The following ZNF407 variants were observed in gnomAD, a reference collection of about 807,000 sequenced individuals.
ZNF407 encodes zinc finger protein 407.
Under a neutral mutation model 131.2 loss-of-function variants are expected in ZNF407, and 17 were observed. The observed-to-expected ratio is 0.13, with a 90% CI of 0.09 to 0.19. ZNF407 has a LOEUF of 0.19. Ranked by LOEUF, ZNF407 falls within the 10% of genes least tolerant of loss-of-function variation. The probability of loss-of-function intolerance (pLI) is 1.00; values close to 1 mark genes in which losing one functional copy is unlikely to be tolerated. For missense variants in ZNF407, 2,681 were observed against 2,830.6 expected (o/e 0.95, Z 1.20); for synonymous variants, 1,156 against 1,062.0 (o/e 1.09, Z -1.72).
At chr18:74,900,883 T>G (rs1971515513) in intron 7 of ZNF407, among the ~76,000 whole-genome samples, 1 of 152,282 alleles carries the variant, frequency 6.6e-6, no homozygotes, top group Non-Finnish European at 1.5e-5. Context: ...AAATTTCTAT[T>G]GAAGACTGTT....
chr18:74,890,726 G>A (rs1971372607), intron 7 of ZNF407, among the ~76,000 whole-genome samples: 1 of 152,126 alleles, frequency 6.6e-6, no homozygotes, highest in African/African-American at 2.4e-5. Flanking sequence ...GTGTTTATAA[G>A]TAATTATAAT....
chr18:74,690,064 A>G (rs1297648707), intron 3 of ZNF407, among the ~76,000 whole-genome samples: 1 of 152,238 alleles, frequency 6.6e-6, no homozygotes, highest in Non-Finnish European at 1.5e-5. Flanking sequence ...AAAAAAAGCT[A>G]AATTGCCAAA....
intron 3 of ZNF407, among the ~76,000 whole-genome samples, chr18:74,677,713 T>G (rs1173590179): frequency 6.6e-6 from 1 of 152,200 alleles, no homozygotes; most frequent in South Asian, 2.1e-4. Flanking sequence ...TTAAAATTGT[T>G]ATTTTAAAGT....
At chr18:74,862,111 T>C (rs979065575) in intron 4 of ZNF407, among the ~76,000 whole-genome samples, 8 of 152,252 alleles carry the variant, frequency 5.3e-5, no homozygotes, top group African/African-American at 1.9e-4. Flanking sequence ...TCTAAAATTG[T>C]TTAAATTTGT....
At chr18:74,819,445 G>A (rs895520334) in intron 4 of ZNF407, among the ~76,000 whole-genome samples, 6 of 152,116 alleles carry the variant, frequency 3.9e-5, no homozygotes, top group Non-Finnish European at 8.8e-5. Context: ...TGACTTTGAG[G>A]CTAATTTTAC....
At chr18:74,681,644 G>T (rs534344126) in intron 3 of ZNF407, among the ~76,000 whole-genome samples, 2 of 152,244 alleles carry the variant, frequency 1.3e-5, no homozygotes, top group Middle Eastern at 3.4e-3. Context: ...GTTTCCTGAG[G>T]AAACATATGT....
chr18:75,038,565 G>A (rs1973336725), intron 8 of ZNF407, among the ~76,000 whole-genome samples: 1 of 152,148 alleles, frequency 6.6e-6, no homozygotes, highest in African/African-American at 2.4e-5. Context: ...ATTATTAAGT[G>A]TTAGGGACAA....
intron 3 of ZNF407, among the ~76,000 whole-genome samples, chr18:74,662,284 A>T (rs1167586154): frequency 6.6e-6 from 1 of 152,204 alleles, no homozygotes; most frequent in East Asian, 1.9e-4. Flanking sequence ...TTTCTAGTAG[A>T]GTGATATGAT....
intron 4 of ZNF407, among the ~76,000 whole-genome samples, chr18:74,857,797 A>AT (rs1225410804): frequency 6.6e-6 from 1 of 151,924 alleles, no homozygotes; most frequent in Non-Finnish European, 1.5e-5. Context: ...ATTTGGTTAT[A>AT]TTTTATGTTG....
chr18:74,757,882 C>G (rs1341240289), intron 3 of ZNF407, among the ~76,000 whole-genome samples: 2 of 152,002 alleles, frequency 1.3e-5, no homozygotes, highest in African/African-American at 2.4e-5. Flanking sequence ...ATGTTCTCCC[C>G]CGTTTTTTGG....
chr18:74,863,335 G>A (rs890628354), intron 4 of ZNF407, among the ~76,000 whole-genome samples: 14 of 151,652 alleles, frequency 9.2e-5, no homozygotes, highest in African/African-American at 3.4e-4. Context: ...ATAAATATCA[G>A]TAATTAATAT....
chr18:74,801,749 G>A (rs565102841), intron 4 of ZNF407, among the ~76,000 whole-genome samples: 107 of 152,296 alleles, frequency 7.0e-4, no homozygotes, highest in Non-Finnish European at 1.2e-3. Flanking sequence ...ATGGAAGAGC[G>A]TTTTGTAGTG....
intron 3 of ZNF407, among the ~76,000 whole-genome samples, chr18:74,683,538 T>C (rs1269073047): frequency 6.6e-6 from 1 of 152,226 alleles, no homozygotes; most frequent in Non-Finnish European, 1.5e-5. Context: ...GCAATGCTCC[T>C]TTTTTCTTCT....
Position 75,048,838 on chromosome 18 carries a change from A to C in ZNF407, c.5429-14312A>C, listed in dbSNP as rs547529200. Among the ~76,000 whole-genome samples, 1 of 152,174 alleles carries C rather than the reference A, an allele frequency of 6.6e-6. No individual in the cohort carries two copies. Among genetic ancestry groups the C allele is most frequent in the Admixed American group, 6.5e-5 (1 of 15,296 alleles). On this transcript the variant is annotated intron_variant, in intron 8 of 8. Coordinates refer to ENST00000299687, the MANE Select transcript of ZNF407 (RefSeq NM_017757.3). The surrounding 1 kb of genome is among the most constrained non-coding windows in gnomAD (Gnocchi z 4.1). ...CTAAAAACTGAAAAAATTAAATTGG[A>C]GGGTGGGAAGGGGCAGAAGGGGTGA...
At chr18:74,670,371 A>T (rs1273413129) in intron 3 of ZNF407, among the ~76,000 whole-genome samples, 7 of 152,212 alleles carry the variant, frequency 4.6e-5, no homozygotes, top group African/African-American at 1.7e-4. Context: ...ACAAAATTGG[A>T]TGTCTGAAAG....
At chr18:74,795,256 C>T (rs1969898074) in intron 4 of ZNF407, among the ~76,000 whole-genome samples, 1 of 152,132 alleles carries the variant, frequency 6.6e-6, no homozygotes. Flanking sequence ...GCAAAATAAA[C>T]TTGCATATAT....
chr18:74,759,061 C>A (rs1969031661), intron 3 of ZNF407, among the ~76,000 whole-genome samples: 1 of 152,046 alleles, frequency 6.6e-6, no homozygotes, highest in Non-Finnish European at 1.5e-5. Context: ...TTTTGTGTAT[C>A]TGGGTGTGTC....
intron 4 of ZNF407, among the ~76,000 whole-genome samples, chr18:74,812,742 G>A (rs957250199): frequency 3.3e-5 from 5 of 151,722 alleles, no homozygotes; most frequent in Admixed American, 2.0e-4. Context: ...TGGATCCCAC[G>A]TGTCTCTCAT....
chr18:75,054,446 C>T (rs754480388), intron 8 of ZNF407, among the ~76,000 whole-genome samples: 1 of 152,114 alleles, frequency 6.6e-6, no homozygotes, highest in Non-Finnish European at 1.5e-5. Context: ...ATAAACATGA[C>T]TACAAAAGTG....
Sources: allele counts gnomAD v4.1 joint callset (sites outside exome capture counted in the v4.1 genomes callset), GRCh38; gene constraint gnomAD v4.1.1; non-coding constraint Gnocchi (gnomAD v3.1); transcripts MANE v1.5; gene names NCBI Gene and HGNC (gene_info 2026-07-23, HGNC 2026-07-21).